PHEX: variants seen among roughly 807,000 people sequenced by gnomAD.
The protein encoded by PHEX is phosphate-regulating neutral endopeptidase PHEX.
A neutral mutation model predicts 68.0 loss-of-function variants in PHEX; 16 were observed. That is an observed-to-expected ratio of 0.24 (90% CI 0.16 to 0.36). PHEX has a LOEUF of 0.36. PHEX is among the 10% of genes least tolerant of loss of function. The pLI is 1.00. For missense variants in PHEX, 480 were observed against 575.5 expected, an observed-to-expected ratio of 0.83 and a Z score of 1.70; for synonymous variants, 208 against 205.1, an observed-to-expected ratio of 1.01 and a Z score of -0.12.
chrX:22,091,819 G>A lies in PHEX; in HGVS notation c.732+1322G>A, dbSNP rs1158434663. Among the ~76,000 whole-genome samples, 5 of 112,000 alleles carry A rather than the reference G, an allele frequency of 4.5e-5. No homozygotes were observed. In the Admixed American group the frequency reaches 4.7e-4, roughly 11 times the overall value. On this transcript the variant is annotated intron_variant, in intron 6 of 21. Transcript: ENST00000379374. ...TGGACTCACAGTTCCATGTGGCTGG[G>A]GAGGCCTCACAATCGTGGCAGAAGG... is the stretch of plus-strand genomic sequence containing the variant.
intron 12 of PHEX, among the ~76,000 whole-genome samples, chrX:22,138,937 C>T (rs1569408303): frequency 1.8e-5 from 2 of 111,508 alleles, no homozygotes; most frequent in Non-Finnish European, 3.8e-5. Context: ...CTCTCACACA[C>T]ATGCAGGCCA....
intron 20 of PHEX, among the ~76,000 whole-genome samples, chrX:22,232,596 CTTTT>C (rs745474280): frequency 1.6e-4 from 3 of 18,547 alleles, no homozygotes; most frequent in East Asian, 3.6e-3. Context: ...GCCACTTCTG[CTTTT>C]TTTTTTTTTT....
intron 15 of PHEX, among the ~76,000 whole-genome samples, chrX:22,201,240 G>T (rs759364130): frequency 9.0e-6 from 1 of 111,192 alleles, no homozygotes; most frequent in South Asian, 3.8e-4. Context: ...GCAGTGGCCC[G>T]ATCTTGGCTT....
intron 12 of PHEX, among the ~76,000 whole-genome samples, chrX:22,134,331 C>A (rs961534422): frequency 8.9e-6 from 1 of 112,634 alleles, no homozygotes. Flanking sequence ...TGGCTCACGC[C>A]TGTAATACCA....
At chrX:22,165,175 G>T (rs1337566612) in intron 12 of PHEX, among the ~76,000 whole-genome samples, 1 of 112,228 alleles carries the variant, frequency 8.9e-6, no homozygotes, top group Non-Finnish European at 1.9e-5. Context: ...GAGGTCACTG[G>T]TTTTGCTTTG....
chrX:22,077,722 A>G lies in PHEX; in HGVS notation c.663+20A>G, dbSNP rs1929222225. On this transcript the variant is annotated intron_variant, in intron 5 of 21. Coordinates refer to ENST00000379374, the MANE Select transcript of PHEX (RefSeq NM_000444.6). Reference sequence around the variant, plus strand: ...TTGAAGGTATAATGAGGACCCATTCATCTTCTTTGCTCAGTCCTAGATTAG... The same window carrying G: ...TTGAAGGTATAATGAGGACCCATTCGTCTTCTTTGCTCAGTCCTAGATTAG... 1 of 1,131,134 alleles carries G rather than the reference A, an allele frequency of 8.8e-7. No homozygotes were observed. Among genetic ancestry groups the G allele is most frequent in the Non-Finnish European group, 1.2e-6 (1 of 821,695 alleles). 93.2% of individuals were successfully genotyped at this position (1,131,134 alleles called of 1,213,427 possible). A position where few individuals can be genotyped will look rare whatever the true frequency, so the allele number is the denominator to read the frequency against.
intron 5 of PHEX, among the ~76,000 whole-genome samples, chrX:22,087,362 C>T (rs1016793210): frequency 7.2e-5 from 8 of 111,593 alleles, no homozygotes; most frequent in Non-Finnish European, 1.1e-4. Flanking sequence ...AGGACGAAGC[C>T]AGGAAGGCTT....
intron 13 of PHEX, among the ~76,000 whole-genome samples, chrX:22,174,972 C>T (rs1013713712): frequency 9.0e-6 from 1 of 111,635 alleles, no homozygotes; most frequent in Non-Finnish European, 1.9e-5. Flanking sequence ...ATGACTTGGA[C>T]GGTGTAGCTT....
At chrX:22,073,890 G>A (rs1375904618) in intron 3 of PHEX, among the ~76,000 whole-genome samples, 2 of 110,167 alleles carry the variant, frequency 1.8e-5, no homozygotes, top group South Asian at 3.9e-4. Context: ...TGCCCGCCTC[G>A]GCCTCCCAAA....
At chrX:22,121,872 A>G (rs1262378262) in intron 11 of PHEX, among the ~76,000 whole-genome samples, 1 of 111,733 alleles carries the variant, frequency 8.9e-6, no homozygotes, top group African/African-American at 3.3e-5. Context: ...TTATCCTAAG[A>G]AAAGAATTCT....
intron 13 of PHEX, among the ~76,000 whole-genome samples, chrX:22,170,158 A>G (rs1425956096): frequency 1.8e-5 from 2 of 112,424 alleles, no homozygotes; most frequent in Non-Finnish European, 1.9e-5. Context: ...AATTTAATAC[A>G]GGAAATGGGT....
intron 12 of PHEX, among the ~76,000 whole-genome samples, chrX:22,153,620 T>C (rs780952765): frequency 6.1e-4 from 68 of 111,320 alleles, no homozygotes; most frequent in Middle Eastern, 9.2e-3. Context: ...CTTTTATCAA[T>C]TCTACTTGGA....
At chrX:22,092,165 C>T (rs1021391903) in intron 6 of PHEX, among the ~76,000 whole-genome samples, 1 of 111,493 alleles carries the variant, frequency 9.0e-6, no homozygotes, top group Admixed American at 9.5e-5. Flanking sequence ...TCTCTCAGAT[C>T]TTCAGTTTCC....
chrX:22,076,473 G>A lies in PHEX; in HGVS notation c.435G>A (p.Glu145=). The A allele has an allele frequency of 8.8e-7, 1 of 1,135,950 alleles. No homozygotes were observed. The allele number at this position is 1,135,950 out of a possible 1,213,427, so 93.6% of individuals were successfully genotyped here. ...TCCTTTATTCATCCTGCATGAATGAGAGTGAGTGATGAAGAAAACTAAATA... is the reference window on the plus strand; with the variant it reads ...TCCTTTATTCATCCTGCATGAATGAAAGTGAGTGATGAAGAAAACTAAATA... ...AKILYSSCMN[E]KAIEKADAKP... Residue 145 remains glutamate (E), a splice_region_variant and synonymous_variant, in exon 4 of 22, where the codon GAG becomes GAA. Coordinates refer to ENST00000379374, the MANE Select transcript of PHEX (RefSeq NM_000444.6).
intron 3 of PHEX, among the ~76,000 whole-genome samples, chrX:22,054,058 C>G (rs1253167461): frequency 4.5e-5 from 5 of 112,214 alleles, no homozygotes; most frequent in Admixed American, 2.9e-4. Flanking sequence ...TTATTGAAAA[C>G]AGTGAATTGT....
At chrX:22,244,425 A>G (rs1007509887) in intron 20 of PHEX, among the ~76,000 whole-genome samples, 4 of 81,448 alleles carry the variant, frequency 4.9e-5, no homozygotes, top group Non-Finnish European at 9.0e-5. Context: ...CCAGAATTTA[A>G]AGTATAATAA....
At chrX:22,203,916 T>G in intron 15 of PHEX, among the ~76,000 whole-genome samples, 1 of 111,749 alleles carries the variant, frequency 8.9e-6, no homozygotes, top group Non-Finnish European at 1.9e-5. Context: ...TTATTTTTCC[T>G]AAACCAACAA....
At chrX:22,190,237 T>G (rs1378124933) in intron 14 of PHEX, among the ~76,000 whole-genome samples, 1 of 112,193 alleles carries the variant, frequency 8.9e-6, no homozygotes, top group East Asian at 2.8e-4. Flanking sequence ...GTTAATATAT[T>G]TTCATTGAGC....
intron 20 of PHEX, among the ~76,000 whole-genome samples, chrX:22,230,229 CTTTTTTTTTTTTTTTTTTT>C (rs140475343): frequency 5.5e-4 from 6 of 10,919 alleles, no homozygotes; most frequent in South Asian, 7.6e-3. Flanking sequence ...TATATGGGCT[CTTTTTTTTTTTTTTTTTTT>C]TTTTTTTTTT....
Sources: allele counts gnomAD v4.1 joint callset (sites outside exome capture counted in the v4.1 genomes callset), GRCh38; gene constraint gnomAD v4.1.1; transcripts MANE v1.5; gene names NCBI Gene and HGNC (gene_info 2026-07-23, HGNC 2026-07-21).